ADAMTSL1: variants seen among roughly 807,000 people sequenced by gnomAD.
ADAMTSL1 encodes the protein ADAMTS-like protein 1.
A neutral mutation model predicts 201.8 loss-of-function variants in ADAMTSL1; 126 were observed. The observed-to-expected ratio is 0.62, with a 90% CI of 0.54 to 0.72. The LOEUF is 0.72. Ranked by LOEUF, ADAMTSL1 falls within the 30% of genes least tolerant of loss-of-function variation. The pLI is 0.00. For missense variants in ADAMTSL1, 2,679 were observed against 2,277.8 expected (o/e 1.18, Z -3.59); for synonymous variants, 1,121 against 903.4 (o/e 1.24, Z -4.32).
At chr9:18,720,737 C>G (rs946476108) in intron 14 of ADAMTSL1, among the ~76,000 whole-genome samples, 3 of 152,028 alleles carry the variant, frequency 2.0e-5, no homozygotes, top group African/African-American at 7.2e-5. Context: ...GAGCTGAGAT[C>G]GTGCCACTAC....
At chr9:18,302,139 G>A (rs1015773919) in intron 2 of ADAMTSL1, among the ~76,000 whole-genome samples, 3 of 152,156 alleles carry the variant, frequency 2.0e-5, no homozygotes, top group African/African-American at 7.2e-5. Context: ...TTGGGTTGCT[G>A]TTGTACTTTG....
intron 2 of ADAMTSL1, among the ~76,000 whole-genome samples, chr9:18,337,856 A>G (rs1417583061): frequency 4.6e-5 from 7 of 152,110 alleles, no homozygotes; most frequent in African/African-American, 1.7e-4. Flanking sequence ...GAAGTACTGA[A>G]TATATTATCG....
At chr9:18,071,639 C>T (rs1822973907) in intron 1 of ADAMTSL1, among the ~76,000 whole-genome samples, 1 of 152,186 alleles carries the variant, frequency 6.6e-6, no homozygotes, top group East Asian at 1.9e-4. Flanking sequence ...TGCTTTTATC[C>T]ATGTACCTAG....
chr9:17,933,706 C>T lies in ADAMTSL1; in HGVS notation c.87+26784C>T, dbSNP rs1826892013. Among the ~76,000 whole-genome samples the T allele has an allele frequency of 3.9e-5, 6 of 152,196 alleles. No individual in the cohort carries two copies. In the South Asian group the frequency reaches 1.0e-3, roughly 26 times the overall value. Reference sequence around the variant, plus strand: ...GCGGGCTCATCTTACATGGCTGGAACAGGAGGAAGACAGAGAAAGGGGAGG... The same window carrying T: ...GCGGGCTCATCTTACATGGCTGGAATAGGAGGAAGACAGAGAAAGGGGAGG... On this transcript the variant is annotated intron_variant, in intron 1 of 29. Transcript: ENST00000680146.
At chr9:18,866,859 A>G (rs1377635923) in intron 23 of ADAMTSL1, among the ~76,000 whole-genome samples, 1 of 152,206 alleles carries the variant, frequency 6.6e-6, no homozygotes, top group Non-Finnish European at 1.5e-5. Context: ...AAATGTCTTT[A>G]ATCTCCTCTT....
chr9:18,890,390 C>T (rs1349115906), intron 25 of ADAMTSL1, among the ~76,000 whole-genome samples: 1 of 152,190 alleles, frequency 6.6e-6, no homozygotes, highest in East Asian at 1.9e-4. Flanking sequence ...GCACCTCATC[C>T]TCTGTCCTCA....
At chr9:18,722,889 T>C (rs1817630831) in intron 15 of ADAMTSL1, 1 of 693,686 alleles carries the variant, frequency 1.4e-6, no homozygotes, top group Non-Finnish European at 2.7e-6. Flanking sequence ...AGTAACCTCG[T>C]TTTCTATCCC....
chr9:18,243,006 G>A (rs1350124392), intron 2 of ADAMTSL1, among the ~76,000 whole-genome samples: 1 of 151,934 alleles, frequency 6.6e-6, no homozygotes, highest in Admixed American at 6.6e-5. Context: ...AATTCATATG[G>A]AACCATAAAA....
In ADAMTSL1 at chr9:18,817,021, G is replaced by C. The variant is rs943108733; in HGVS notation, c.3806-88G>C. On this transcript the variant is annotated intron_variant, in intron 20 of 28. Transcript: ENST00000380548. ...GCAAAAGTCTGGGTAGACCAGCCAT[G>C]CATTGGTGGTTAGCCCATATTTCAA... 15 of 1,508,184 alleles carry C rather than the reference G, an allele frequency of 9.9e-6. No homozygotes were observed. In the African/African-American group the frequency reaches 1.5e-4, roughly 15 times the overall value. The allele number at this position is 1,508,184 out of a possible 1,614,324, so 93.4% of individuals were successfully genotyped here. A position where few individuals can be genotyped will look rare whatever the true frequency, so the allele number is the denominator to read the frequency against.
At chr9:18,295,742 A>T (rs1329451874) in intron 2 of ADAMTSL1, among the ~76,000 whole-genome samples, 2 of 152,204 alleles carry the variant, frequency 1.3e-5, no homozygotes, top group African/African-American at 4.8e-5. Context: ...AATTCTAAAT[A>T]GTTCATGTAC....
intron 26 of ADAMTSL1, among the ~76,000 whole-genome samples, chr9:18,899,924 G>T (rs1349003080): frequency 1.3e-5 from 2 of 152,224 alleles, no homozygotes; most frequent in African/African-American, 4.8e-5. Context: ...TGCAACAAAA[G>T]CAAAAATTGA....
At chr9:18,897,542 G>C (rs912016002) in intron 26 of ADAMTSL1, among the ~76,000 whole-genome samples, 3 of 152,222 alleles carry the variant, frequency 2.0e-5, no homozygotes, top group African/African-American at 7.2e-5. Flanking sequence ...CTGTTTTGCA[G>C]ACTTCACTGG....
chr9:18,266,611 T>C (rs920176076), intron 2 of ADAMTSL1, among the ~76,000 whole-genome samples: 3 of 152,126 alleles, frequency 2.0e-5, no homozygotes, highest in Non-Finnish European at 4.4e-5. Flanking sequence ...TTCAGAAATA[T>C]AAAGCCAGAA....
At chr9:18,797,590 G>GA (rs1036255709) in intron 20 of ADAMTSL1, among the ~76,000 whole-genome samples, 3 of 151,978 alleles carry the variant, frequency 2.0e-5, no homozygotes, top group Non-Finnish European at 4.4e-5. Flanking sequence ...GATATAATCT[G>GA]AACATAAATT....
rs768827111 is a variant in ADAMTSL1, at chr9:18,657,589, G to A, written c.835-50G>A. ...TCTTGTTCGAAGCTGCAAGGGACCA[G>A]AAAGCACCGCACTGTCACATTACTT... On this transcript the variant is annotated intron_variant, in intron 7 of 28. Transcript: ENST00000380548. 9 of 1,434,858 alleles carry A rather than the reference G, an allele frequency of 6.3e-6. No homozygotes were observed. The South Asian group carries it at 1.0e-4, about 17-fold the overall frequency. 88.9% of individuals were successfully genotyped at this position (1,434,858 alleles called of 1,614,324 possible). A position where few individuals can be genotyped will look rare whatever the true frequency, so the allele number is the denominator to read the frequency against.
At chr9:18,410,327 CA>C (rs1818384126) in intron 2 of ADAMTSL1, among the ~76,000 whole-genome samples, 2 of 152,020 alleles carry the variant, frequency 1.3e-5, no homozygotes, top group African/African-American at 2.4e-5. Flanking sequence ...ATTAAGCATC[CA>C]TTAGCTCTTC....
chr9:18,496,676 A>G (rs78255932), intron 1 of ADAMTSL1, among the ~76,000 whole-genome samples: 5,899 of 152,294 alleles, frequency 0.039, 374 homozygotes, highest in African/African-American at 0.13. Flanking sequence ...TTAACGTTCC[A>G]GTTTCCTCAG....
intron 2 of ADAMTSL1, among the ~76,000 whole-genome samples, chr9:18,212,053 G>A (rs960514739): frequency 9.2e-5 from 14 of 152,184 alleles, no homozygotes; most frequent in Non-Finnish European, 1.9e-4. Flanking sequence ...AAGCAGTTAA[G>A]AGAAGAAACA....
intron 14 of ADAMTSL1, among the ~76,000 whole-genome samples, chr9:18,719,486 T>C (rs1329124352): frequency 6.6e-6 from 1 of 152,170 alleles, no homozygotes; most frequent in Admixed American, 6.5e-5. Context: ...TACCTCAGTT[T>C]CCCAAGTAGC....
Sources: allele counts gnomAD v4.1 joint callset (sites outside exome capture counted in the v4.1 genomes callset), GRCh38; gene constraint gnomAD v4.1.1; transcripts MANE v1.5; gene names NCBI Gene and HGNC (gene_info 2026-07-23, HGNC 2026-07-21).